Variants in CTNNA2 observed in about 807,000 individuals in gnomAD.
CTNNA2 encodes the protein catenin alpha-2.
In CTNNA2, 42 loss-of-function variants were observed where a neutral mutation model predicts 101.0. The observed-to-expected ratio is 0.42, with a 90% CI of 0.32 to 0.54. The LOEUF is 0.54. CTNNA2 is among the 20% of genes least tolerant of loss of function. The pLI is 0.14. For missense variants in CTNNA2, 871 were observed against 1,223.1 expected (o/e 0.71, Z 4.29); for synonymous variants, 450 against 456.4 (o/e 0.99, Z 0.18).
intron 2 of CTNNA2, among the ~76,000 whole-genome samples, chr2:79,257,881 A>T (rs577105744): frequency 6.6e-6 from 1 of 152,076 alleles, no homozygotes; most frequent in East Asian, 1.9e-4. Context: ...TGTCAGCAGG[A>T]CAATGCTCCC....
At chr2:79,252,701 A>C (rs1374904015) in intron 2 of CTNNA2, among the ~76,000 whole-genome samples, 1 of 151,630 alleles carries the variant, frequency 6.6e-6, no homozygotes, top group African/African-American at 2.4e-5. Flanking sequence ...AGCCAGCAGC[A>C]CTCTATTTCT....
chr2:80,521,869 CTAAA>C (rs932170244), intron 9 of CTNNA2, among the ~76,000 whole-genome samples: 4 of 152,078 alleles, frequency 2.6e-5, no homozygotes, highest in African/African-American at 4.8e-5. Context: ...AATTAACACA[CTAAA>C]TAACTAAATC....
intron 4 of CTNNA2, among the ~76,000 whole-genome samples, chr2:79,436,515 C>G (rs1678716396): frequency 6.6e-6 from 1 of 152,156 alleles, no homozygotes; most frequent in Non-Finnish European, 1.5e-5. Flanking sequence ...CCTAGAGATT[C>G]TGATTTCATT....
intron 1 of CTNNA2, among the ~76,000 whole-genome samples, chr2:79,614,770 C>T (rs1193168065): frequency 2.0e-5 from 3 of 152,112 alleles, no homozygotes; most frequent in Non-Finnish European, 4.4e-5. Flanking sequence ...ACAATTCAGT[C>T]TTTCCTGTAG....
intron 7 of CTNNA2, among the ~76,000 whole-genome samples, chr2:80,232,254 T>C (rs1240054409): frequency 6.6e-6 from 1 of 151,082 alleles, no homozygotes; most frequent in African/African-American, 2.4e-5. Context: ...CCTGAGGCTA[T>C]GTTACAGGTC....
chr2:80,033,744 T>C (rs1695458543), intron 7 of CTNNA2, among the ~76,000 whole-genome samples: 1 of 152,274 alleles, frequency 6.6e-6, no homozygotes, highest in Non-Finnish European at 1.5e-5. Flanking sequence ...TGCAAGCTTC[T>C]ATGAATACAT....
chr2:79,462,692 A>C (rs1290942060), intron 4 of CTNNA2, among the ~76,000 whole-genome samples: 1 of 152,218 alleles, frequency 6.6e-6, no homozygotes. Context: ...GAATGATTTA[A>C]AGGCAAGGAG....
At chr2:80,353,472 G>C (rs1673504465) in intron 7 of CTNNA2, among the ~76,000 whole-genome samples, 1 of 152,054 alleles carries the variant, frequency 6.6e-6, no homozygotes, top group Non-Finnish European at 1.5e-5. Context: ...AATATATAGA[G>C]CTACCATGTG....
intron 6 of CTNNA2, among the ~76,000 whole-genome samples, chr2:79,903,710 T>C (rs548157961): frequency 6.6e-6 from 1 of 152,002 alleles, no homozygotes; most frequent in South Asian, 2.1e-4. Context: ...GGAAAGAAAG[T>C]GGATTGAGTA....
intron 7 of CTNNA2, among the ~76,000 whole-genome samples, chr2:80,275,506 C>A (rs1007067680): frequency 6.6e-6 from 1 of 151,916 alleles, no homozygotes; most frequent in Admixed American, 6.6e-5. Context: ...CAGGAAAGAG[C>A]CTTTGAGATA....
At chr2:79,747,763 A>G (rs1558894196) in intron 3 of CTNNA2, among the ~76,000 whole-genome samples, 1 of 152,192 alleles carries the variant, frequency 6.6e-6, no homozygotes, top group African/African-American at 2.4e-5. Flanking sequence ...ACAGCTAACA[A>G]TGGTTGAACT....
chr2:79,541,427 CATATATATATATATAT>C (rs9284785), intron 1 of CTNNA2, among the ~76,000 whole-genome samples: 1 of 142,794 alleles, frequency 7.0e-6, no homozygotes. Context: ...CGCACACACA[CATATATATATATATAT>C]ATATATATAT....
At chr2:79,250,546 C>G (rs1051504660) in intron 2 of CTNNA2, among the ~76,000 whole-genome samples, 1 of 152,228 alleles carries the variant, frequency 6.6e-6, no homozygotes, top group East Asian at 1.9e-4. Flanking sequence ...GCCACAACTC[C>G]CTTTACCCTT....
chr2:79,511,073 A>C (rs1303960796), upstream of CTNNA2, among the ~76,000 whole-genome samples: 2 of 152,362 alleles, frequency 1.3e-5, no homozygotes, highest in Admixed American at 6.5e-5. Context: ...AGGCCTGACC[A>C]GAGTATGAAA....
intron 2 of CTNNA2, among the ~76,000 whole-genome samples, chr2:79,711,866 T>A (rs2104812157): frequency 6.6e-6 from 1 of 152,302 alleles, no homozygotes; most frequent in Admixed American, 6.5e-5. Flanking sequence ...CAATTAAATT[T>A]GAATTTCATA....
chr2:80,086,254 G>A lies in CTNNA2; in HGVS notation c.1056+176457G>A, dbSNP rs185468956. 1.7e-4 allele frequency among the ~76,000 whole-genome samples: 26 copies of A among 152,140 alleles called. 1 individual carries two copies. Among genetic ancestry groups the A allele is most frequent in the East Asian group, 1.5e-3 (8 of 5,172 alleles). Reference sequence around the variant, plus strand: ...ACAAGTATTTCCTAGGTTTCCAAACGTAACACACTCATGTTTAAGGGCAGT... The same window carrying A: ...ACAAGTATTTCCTAGGTTTCCAAACATAACACACTCATGTTTAAGGGCAGT... On this transcript the variant is annotated intron_variant, in intron 7 of 18. Coordinates refer to ENST00000402739, the MANE Select transcript of CTNNA2 (RefSeq NM_001282597.3).
intron 8 of CTNNA2, among the ~76,000 whole-genome samples, chr2:80,395,420 G>A (rs983777002): frequency 2.0e-5 from 3 of 152,172 alleles, no homozygotes; most frequent in Non-Finnish European, 4.4e-5. Flanking sequence ...CTAAAATGAC[G>A]ATGGTCCCCA....
At chr2:80,172,823 G>C (rs1039573924) in intron 7 of CTNNA2, among the ~76,000 whole-genome samples, 17 of 152,088 alleles carry the variant, frequency 1.1e-4, no homozygotes, top group Non-Finnish European at 2.4e-4. Flanking sequence ...AAGTTCACAT[G>C]GTGCACTCCC....
At chr2:79,397,621 T>C (rs1678247102) in intron 4 of CTNNA2, among the ~76,000 whole-genome samples, 1 of 152,130 alleles carries the variant, frequency 6.6e-6, no homozygotes, top group African/African-American at 2.4e-5. Context: ...TGTTCATCTC[T>C]ATGCAACTGG....
Sources: allele counts gnomAD v4.1 joint callset (sites outside exome capture counted in the v4.1 genomes callset), GRCh38; gene constraint gnomAD v4.1.1; transcripts MANE v1.5; gene names NCBI Gene and HGNC (gene_info 2026-07-23, HGNC 2026-07-21).